The following GALP variants were observed in gnomAD, a reference collection of about 807,000 sequenced individuals.
GALP encodes the protein galanin-like peptide.
Under a neutral mutation model 15.2 loss-of-function variants are expected in GALP, and 12 were observed. The ratio of observed to expected loss-of-function variants is 0.79; its 90% CI spans 0.51 to 1.28. The LOEUF (loss-of-function observed/expected upper bound fraction) is 1.28. Among genes scored for constraint, GALP ranks in the 50% most tolerant of loss-of-function variants. The pLI is 0.00. For missense variants in GALP, 161 were observed against 145.6 expected (o/e 1.11, Z -0.55); for synonymous variants, 58 against 55.1 (o/e 1.05, Z -0.23).
rs1448973205 is a variant in GALP at position 56,177,197 on chromosome 19, T to TC, written c.87+2_87+3insC. 2 of 1,612,008 alleles carry TC rather than the reference T, an allele frequency of 1.2e-6. No individual in the cohort carries two copies. The highest frequency in any genetic ancestry group is 3.3e-5 in the Admixed American group (2 of 59,916). On this transcript the variant is annotated splice_region_variant and intron_variant, in intron 2 of 5. Transcript: ENST00000357330. ...CCAGCATCCGCACCTGCCCACCGGG[T>TC]AACGCCTCCCTAAGTTCCTCGGAAA...
chr19:56,178,696 G>A (rs961678525), intron 2 of GALP, among the ~76,000 whole-genome samples: 1 of 152,110 alleles, frequency 6.6e-6, no homozygotes, highest in African/African-American at 2.4e-5. Context: ...GGATGTTCGA[G>A]GAGTTTTGAC....
chr19:56,185,094 A>G (rs2032632840), intron 5 of GALP, 121 bp from the exon 6 acceptor site: 1 of 651,352 alleles, frequency 1.5e-6, no homozygotes, highest in East Asian at 3.2e-5. Flanking sequence ...TGAGGTCAGG[A>G]GTTCAAGACC....
chr19:56,177,055 GCT>G lies in GALP; in HGVS notation c.-39-9_-39-8del. ...CCCCCGCTTCGGAAAATGACTGGCCGCTCTCTCCTTGCAGCGTGTTCCGCAGC... is the reference window on the plus strand; with the variant it reads ...CCCCCGCTTCGGAAAATGACTGGCCGCTCTCCTTGCAGCGTGTTCCGCAGC... On this transcript the variant is annotated splice_polypyrimidine_tract_variant and intron_variant, in intron 1 of 5. Transcript: ENST00000357330. 7.3e-7 allele frequency: 1 copy of G among 1,378,672 alleles called. No homozygotes were observed. The highest frequency in any genetic ancestry group is 1.2e-5 in the South Asian group (1 of 83,212). The allele number at this position is 1,378,672 out of a possible 1,614,324, so 85.4% of individuals were successfully genotyped here.
chr19:56,180,898 TC>T (rs1364032462), intron 3 of GALP, among the ~76,000 whole-genome samples: 2 of 87,226 alleles, frequency 2.3e-5, no homozygotes, highest in African/African-American at 1.0e-4. Context: ...ACTCTTTCTT[TC>T]TTTCTTTCTT....
At chr19:56,180,325 C>A (rs1014980921) in intron 2 of GALP, among the ~76,000 whole-genome samples, 3 of 152,202 alleles carry the variant, frequency 2.0e-5, no homozygotes, top group Admixed American at 2.0e-4. Flanking sequence ...TGTTGAAGAA[C>A]AATTCCCCAT....
chr19:56,183,242 C>T (rs1317090803), intron 5 of GALP, 30 bp downstream of exon 5: 2 of 1,542,372 alleles, frequency 1.3e-6, no homozygotes, highest in South Asian at 2.2e-5. Flanking sequence ...AAGAGAGACA[C>T]CGACAGGAGA....
chr19:56,183,325 G>A, intron 5 of GALP, 113 bp downstream of exon 5: 1 of 842,250 alleles, frequency 1.2e-6, no homozygotes, highest in Non-Finnish European at 2.0e-6. Context: ...ACCAACCAGG[G>A]ACCTCCTCAC....
In GALP at chr19:56,183,220, C is replaced by T. The variant is rs1229107048; in HGVS notation, c.295+8C>T. ...CCAAACCAGAGATTGGAGGTAAAGC[C>T]AGGAAACACAGAAGAGAGACACCGA... On this transcript the variant is annotated splice_region_variant and intron_variant, in intron 5 of 5. Transcript: ENST00000357330. The T allele has an allele frequency of 1.2e-6, 2 of 1,604,818 alleles. No individual in the cohort carries two copies. Among genetic ancestry groups the T allele is most frequent in the Admixed American group, 1.7e-5 (1 of 59,974 alleles).
In GALP at chr19:56,177,077, C is replaced by T. The variant is rs188546197; in HGVS notation, c.-32C>T. On this transcript the variant is annotated 5_prime_UTR_variant, in exon 2 of 6. Coordinates refer to ENST00000357330, the MANE Select transcript of GALP (RefSeq NM_033106.4). The stretch of plus-strand genomic sequence containing the variant: ...GCCGCTCTCTCCTTGCAGCGTGTTC[C>T]GCAGCTGTAGGCACCTGTCGTCCTG... 18 of 1,561,788 alleles carry T rather than the reference C, an allele frequency of 1.2e-5. No homozygotes were observed. Among genetic ancestry groups the T allele is most frequent in the East Asian group, 2.3e-5 (1 of 43,866 alleles).
At position 56,180,271 on chromosome 19, in the gene GALP, T is replaced by C. The variant is rs74258046; in HGVS notation, c.88-315T>C. ...TGGCTGTGGGCACGATGTTGTGCCA[T>C]AGAGCTCTAGGACTTCTTCATCCTG... On this transcript the variant is annotated intron_variant, in intron 2 of 5. Coordinates refer to ENST00000357330, the MANE Select transcript of GALP (RefSeq NM_033106.4). Among the ~76,000 whole-genome samples, 5,208 of 152,302 alleles carry C rather than the reference T, an allele frequency of 0.034. 720 individuals are homozygous for C. The East Asian group carries it at 0.46, about 13-fold the overall frequency.
At chr19:56,184,486 T>TTTC (rs1473986891) in intron 5 of GALP, among the ~76,000 whole-genome samples, 3 of 141,118 alleles carry the variant, frequency 2.1e-5, no homozygotes, top group African/African-American at 7.9e-5. Flanking sequence ...TTCTTTTTCT[T>TTTC]TTTTTTTTTT....
intron 1 of GALP, 76 bp from the exon 2 acceptor site, chr19:56,176,994 A>T: frequency 1.4e-6 from 1 of 698,246 alleles, no homozygotes; most frequent in Non-Finnish European, 2.4e-6. Context: ...AAAGCTAAAA[A>T]ATAAATTCCT....
intron 3 of GALP, among the ~76,000 whole-genome samples, chr19:56,180,911 C>CTTTTTTTTTTTTTTTTTTTTTTTT (rs751903988): frequency 1.1e-5 from 1 of 90,668 alleles, no homozygotes; most frequent in African/African-American, 4.5e-5. Context: ...TTCTTTCTTT[C>CTTTTTTTTTTTTTTTTTTTTTTTT]TTTCTTTTTT....
In GALP at chr19:56,185,270, G is replaced by T; in HGVS notation, c.351G>T (p.Ter117TyrextTer32). Residue 117 changes from the stop codon to tyrosine, a stop_lost, in exon 6 of 6, where the codon TAG becomes TAT. Coordinates refer to ENST00000357330, the MANE Select transcript of GALP (RefSeq NM_033106.4). ...IPKEEDVLKS[*>Y] is the part of the protein sequence containing the mutation. ...AGGAGGAAGATGTCCTGAAGTCATA[G>T]ATGTCTTCAAATCCCTGTTCCTATC... is the stretch of plus-strand genomic sequence containing the variant. 2 of 1,586,446 alleles carry T rather than the reference G, an allele frequency of 1.3e-6. No homozygotes were observed. Among genetic ancestry groups the T allele is most frequent in the Non-Finnish European group, 8.7e-7 (1 of 1,155,654 alleles).
At position 56,176,881 on chromosome 19, in the gene GALP, C is replaced by T. The variant is rs1162089196; in HGVS notation, c.-39-189C>T. Among the ~76,000 whole-genome samples the T allele has an allele frequency of 2.6e-5, 4 of 151,596 alleles. No individual in the cohort carries two copies. The East Asian group carries it at 5.8e-4, about 22-fold the overall frequency. ...GCTGGGGGACCAGGTCGGCCTGATC[C>T]GATGATGGGGGAAGGAGAGGCTTAA... On this transcript the variant is annotated intron_variant, in intron 1 of 5. Coordinates refer to ENST00000357330, the MANE Select transcript of GALP (RefSeq NM_033106.4).
rs915874623 is a variant in GALP at position 56,185,401 on chromosome 19, A to G, written c.*131A>G. ...CCCAGGTCTCATGAAGACATTGTAA[A>G]GCATTTGAATTATTCTAAAAAATTT... is the stretch of plus-strand genomic sequence containing the variant. On this transcript the variant is annotated 3_prime_UTR_variant, in exon 6 of 6. Coordinates refer to ENST00000357330, the MANE Select transcript of GALP (RefSeq NM_033106.4). 1 of 542,676 alleles carries G rather than the reference A, an allele frequency of 1.8e-6. No homozygotes were observed. The highest frequency in any genetic ancestry group is 2.0e-5 in the African/African-American group (1 of 50,646). The allele number at this position is 542,676 out of a possible 1,614,324, so 33.6% of individuals were successfully genotyped here.
intron 5 of GALP, among the ~76,000 whole-genome samples, chr19:56,184,745 A>G (rs1157659742): frequency 6.6e-6 from 1 of 151,820 alleles, no homozygotes; most frequent in Non-Finnish European, 1.5e-5. Flanking sequence ...GGCCTCCCCA[A>G]GTGCTGGGAT....
At chr19:56,176,298 C>G (rs369434879) in intron 1 of GALP, among the ~76,000 whole-genome samples, 742 of 41,180 alleles carry the variant, frequency 0.018, no homozygotes, top group Non-Finnish European at 0.021. Context: ...AGGGGCGGAT[C>G]CCAGCTGCAC....
At chr19:56,184,833 C>T (rs867826677) in intron 5 of GALP, among the ~76,000 whole-genome samples, 2 of 152,112 alleles carry the variant, frequency 1.3e-5, no homozygotes, top group Non-Finnish European at 2.9e-5. Context: ...CTTATTTCAA[C>T]AGCACTAATT....
Sources: allele counts gnomAD v4.1 joint callset (sites outside exome capture counted in the v4.1 genomes callset), GRCh38; gene constraint gnomAD v4.1.1; transcripts MANE v1.5; gene names NCBI Gene and HGNC (gene_info 2026-07-23, HGNC 2026-07-21).